Variants in OPCML observed in about 807,000 individuals in gnomAD.
OPCML encodes the protein opioid binding protein/cell adhesion molecule like.
Under a neutral mutation model 37.8 loss-of-function variants are expected in OPCML, and 13 were observed. The observed-to-expected ratio is 0.34, with a 90% CI of 0.22 to 0.55. The LOEUF is 0.55. Ranked by LOEUF, OPCML falls within the 20% of genes least tolerant of loss-of-function variation. OPCML has a pLI of 0.91. For synonymous variants in OPCML, 176 were observed against 168.8 expected (o/e 1.04, Z -0.33); for missense variants, 341 against 435.6 (o/e 0.78, Z 1.93).
chr11:132,607,964 T>C (rs1938408945), intron 3 of OPCML, among the ~76,000 whole-genome samples: 5 of 152,308 alleles, frequency 3.3e-5, no homozygotes, highest in Admixed American at 3.3e-4. Context: ...GACTGTAGTA[T>C]ACAATAATCT....
intron 1 of OPCML, among the ~76,000 whole-genome samples, chr11:133,350,311 G>T (rs1944105242): frequency 2.0e-5 from 3 of 152,170 alleles, no homozygotes; most frequent in Admixed American, 2.0e-4. Context: ...ATAGTTTAGG[G>T]TAACACACAG....
At chr11:132,973,810 T>G (rs1196027132) in intron 1 of OPCML, among the ~76,000 whole-genome samples, 1 of 152,192 alleles carries the variant, frequency 6.6e-6, no homozygotes, top group Non-Finnish European at 1.5e-5. Context: ...CATCTCCCCT[T>G]TGCTCTCGGC....
chr11:133,431,158 T>C (rs751795540), intron 1 of OPCML, among the ~76,000 whole-genome samples: 1 of 152,226 alleles, frequency 6.6e-6, no homozygotes, highest in Non-Finnish European at 1.5e-5. Flanking sequence ...TAAATATTTA[T>C]AAAGTATTTA....
At chr11:132,715,902 T>C (rs1415142605) in intron 2 of OPCML, among the ~76,000 whole-genome samples, 3 of 152,174 alleles carry the variant, frequency 2.0e-5, no homozygotes, top group African/African-American at 7.2e-5. Context: ...GCATGTGAAG[T>C]GGATGACCCA....
intron 3 of OPCML, among the ~76,000 whole-genome samples, chr11:132,622,341 G>A (rs1939470897): frequency 6.6e-6 from 1 of 151,946 alleles, no homozygotes; most frequent in Admixed American, 6.6e-5. Context: ...TCTTACAAAA[G>A]AGCAAACATG....
chr11:132,678,421 T>C (rs1045380248), intron 2 of OPCML, among the ~76,000 whole-genome samples: 1 of 152,222 alleles, frequency 6.6e-6, no homozygotes, highest in South Asian at 2.1e-4. Context: ...TGAAAGTTTA[T>C]GACCATGCAA....
chr11:132,887,038 G>A (rs1943449085), intron 2 of OPCML, among the ~76,000 whole-genome samples: 1 of 152,178 alleles, frequency 6.6e-6, no homozygotes. Context: ...ACAAGCCTCT[G>A]CTCACTTACA....
intron 1 of OPCML, among the ~76,000 whole-genome samples, chr11:133,527,740 T>C (rs990416342): frequency 4.6e-5 from 7 of 152,204 alleles, no homozygotes; most frequent in African/African-American, 1.4e-4. Flanking sequence ...GGTTCATACA[T>C]GGCTGGAACC....
At chr11:132,492,593 T>C (rs1338487679) in intron 4 of OPCML, among the ~76,000 whole-genome samples, 1 of 152,132 alleles carries the variant, frequency 6.6e-6, no homozygotes, top group Non-Finnish European at 1.5e-5. Flanking sequence ...GAAATTCAGT[T>C]TGATTTGGGG....
intron 4 of OPCML, among the ~76,000 whole-genome samples, chr11:132,492,337 A>G (rs1273679808): frequency 2.6e-5 from 4 of 152,098 alleles, no homozygotes; most frequent in Non-Finnish European, 5.9e-5. Context: ...TAGATGCTGC[A>G]CTGATGTGGT....
At chr11:132,516,632 G>T (rs1380489813) in intron 4 of OPCML, among the ~76,000 whole-genome samples, 1 of 152,166 alleles carries the variant, frequency 6.6e-6, no homozygotes, top group Non-Finnish European at 1.5e-5. Flanking sequence ...CCAAGGAAAG[G>T]TTAGTGAATC....
At chr11:133,261,101 T>G (rs1941481485) in intron 1 of OPCML, among the ~76,000 whole-genome samples, 1 of 152,196 alleles carries the variant, frequency 6.6e-6, no homozygotes, top group Admixed American at 6.5e-5. Context: ...TCTTACTTGT[T>G]TTTGGATATC....
At chr11:132,477,706 C>T (rs1024152202) in intron 4 of OPCML, among the ~76,000 whole-genome samples, 1 of 152,156 alleles carries the variant, frequency 6.6e-6, no homozygotes, top group Non-Finnish European at 1.5e-5. Flanking sequence ...GGAGTGTGTG[C>T]TGTGTTTTTA....
At chr11:133,264,005 CT>C (rs1293078262) in intron 1 of OPCML, among the ~76,000 whole-genome samples, 2 of 152,168 alleles carry the variant, frequency 1.3e-5, no homozygotes, top group East Asian at 3.9e-4. Context: ...ATTATTTTAT[CT>C]TTTGTTCTTA....
chr11:133,476,988 G>A (rs1303513316), intron 1 of OPCML, among the ~76,000 whole-genome samples: 5 of 152,152 alleles, frequency 3.3e-5, no homozygotes, highest in Non-Finnish European at 2.9e-5. Flanking sequence ...AGACTCAATG[G>A]CAGAGGGCTG....
chr11:133,284,538 G>A (rs910100201), intron 1 of OPCML, among the ~76,000 whole-genome samples: 6 of 152,166 alleles, frequency 3.9e-5, no homozygotes, highest in African/African-American at 1.4e-4. Flanking sequence ...AGGGAAGGGC[G>A]GCAACAAATG....
chr11:133,014,282 G>A (rs11223322), intron 1 of OPCML, among the ~76,000 whole-genome samples: 12,645 of 151,714 alleles, frequency 0.083, 746 homozygotes, highest in Non-Finnish European at 0.13. Flanking sequence ...AGTGGCTCTC[G>A]TGTGCATATG....
intron 2 of OPCML, among the ~76,000 whole-genome samples, chr11:132,774,926 G>A (rs1946763925): frequency 6.6e-6 from 1 of 152,144 alleles, no homozygotes; most frequent in Admixed American, 6.5e-5. Context: ...TGGAGGGTGA[G>A]AGCCATATCA....
intron 3 of OPCML, among the ~76,000 whole-genome samples, chr11:132,629,622 T>C (rs1183728427): frequency 6.6e-6 from 1 of 152,172 alleles, no homozygotes; most frequent in African/African-American, 2.4e-5. Context: ...GTCAGAAACA[T>C]CTAAAAATGA....
Sources: allele counts gnomAD v4.1 joint callset (sites outside exome capture counted in the v4.1 genomes callset), GRCh38; gene constraint gnomAD v4.1.1; transcripts MANE v1.5; gene names NCBI Gene and HGNC (gene_info 2026-07-23, HGNC 2026-07-21).